Variants in PTPRM observed in about 807,000 individuals in gnomAD.
The protein encoded by PTPRM is receptor-type tyrosine-protein phosphatase mu.
In PTPRM, 47 loss-of-function variants were observed where a neutral mutation model predicts 186.7. The observed-to-expected ratio is 0.25, with a 90% CI of 0.20 to 0.32. PTPRM has a LOEUF of 0.32. Among genes scored for constraint, PTPRM ranks in the 10% least tolerant of loss-of-function variants. PTPRM has a pLI of 1.00. For missense variants in PTPRM, 1,494 were observed against 1,865.0 expected, an observed-to-expected ratio of 0.80 and a Z score of 3.66; for synonymous variants, 668 against 674.9, an observed-to-expected ratio of 0.99 and a Z score of 0.16.
chr18:7,573,600 T>A (rs1470667046), intron 1 of PTPRM, among the ~76,000 whole-genome samples: 1 of 151,930 alleles, frequency 6.6e-6, no homozygotes. Context: ...TTTGTTTTGT[T>A]TTTTTTGAGA....
intron 7 of PTPRM, chr18:7,995,501 G>C (rs908308188): frequency 5.3e-5 from 8 of 152,136 alleles, no homozygotes; most frequent in African/African-American, 1.7e-4. Flanking sequence ...TCATCATGAT[G>C]AACATAAGTG....
chr18:7,905,558 G>T (rs1342779484), intron 3 of PTPRM, among the ~76,000 whole-genome samples: 1 of 152,208 alleles, frequency 6.6e-6, no homozygotes, highest in Non-Finnish European at 1.5e-5. Flanking sequence ...TGGTGTCTCT[G>T]TCCTGAAGTG....
chr18:7,984,721 G>A (rs2082763488), intron 7 of PTPRM, among the ~76,000 whole-genome samples: 1 of 128,186 alleles, frequency 7.8e-6, no homozygotes, highest in African/African-American at 3.0e-5. Context: ...AATATATGGG[G>A]TAAATATAAA....
At chr18:7,926,789 T>C (rs1179381826) in intron 5 of PTPRM, 106 bp downstream of exon 5, 1 of 661,576 alleles carries the variant, frequency 1.5e-6, no homozygotes, top group East Asian at 3.0e-5. Context: ...TGTAAGAGTT[T>C]CCTTCTTTGT....
chr18:8,321,934 T>A (rs2095348317), intron 22 of PTPRM, among the ~76,000 whole-genome samples: 1 of 152,160 alleles, frequency 6.6e-6, no homozygotes, highest in Non-Finnish European at 1.5e-5. Flanking sequence ...ATGATAATCT[T>A]CACTAATTGG....
chr18:7,779,116 G>T (rs557045121), intron 2 of PTPRM, among the ~76,000 whole-genome samples: 21 of 152,174 alleles, frequency 1.4e-4, no homozygotes, highest in South Asian at 1.0e-3. Flanking sequence ...AAATGTGAAG[G>T]TAACTTATAA....
chr18:8,007,082 A>G (rs115448426), intron 7 of PTPRM, among the ~76,000 whole-genome samples: 2,102 of 152,280 alleles, frequency 0.014, 57 homozygotes, highest in African/African-American at 0.049. Flanking sequence ...TGCATAGCTT[A>G]TCTAAACCAA....
chr18:7,624,346 T>A (rs1356296466), intron 1 of PTPRM, among the ~76,000 whole-genome samples: 4 of 152,320 alleles, frequency 2.6e-5, no homozygotes, highest in Admixed American at 2.6e-4. Flanking sequence ...TCTCCCCTAG[T>A]TATCTAGTTT....
At chr18:7,991,490 A>G (rs1010736857) in intron 7 of PTPRM, among the ~76,000 whole-genome samples, 3 of 152,206 alleles carry the variant, frequency 2.0e-5, no homozygotes, top group African/African-American at 4.8e-5. Context: ...GAAGTAGTAA[A>G]GTAAAACGGA....
chr18:8,272,213 A>T (rs1010597686), intron 19 of PTPRM, among the ~76,000 whole-genome samples: 1 of 151,464 alleles, frequency 6.6e-6, no homozygotes, highest in Non-Finnish European at 1.5e-5. Context: ...CTCAATAAAA[A>T]AAAAAAAAAA....
chr18:8,191,983 G>T (rs2093716324), intron 14 of PTPRM, among the ~76,000 whole-genome samples: 1 of 151,558 alleles, frequency 6.6e-6, no homozygotes, highest in African/African-American at 2.4e-5. Context: ...TGTAGTCTAA[G>T]GACAAAAAAC....
chr18:7,852,199 T>TTAGA (rs1315451333), intron 2 of PTPRM, among the ~76,000 whole-genome samples: 5 of 152,126 alleles, frequency 3.3e-5, no homozygotes, highest in African/African-American at 1.2e-4. Context: ...GCAAAGATTG[T>TTAGA]TAGATCAGAT....
intron 7 of PTPRM, among the ~76,000 whole-genome samples, chr18:8,014,758 C>T (rs2084755522): frequency 1.3e-5 from 2 of 152,192 alleles, no homozygotes. Flanking sequence ...TGAACACACA[C>T]ACCAAATACA....
At chr18:7,583,391 G>T (rs982733031) in intron 1 of PTPRM, among the ~76,000 whole-genome samples, 1 of 152,152 alleles carries the variant, frequency 6.6e-6, no homozygotes, top group Non-Finnish European at 1.5e-5. Flanking sequence ...CATGGACAGT[G>T]GCTACAGCTG....
chr18:7,649,138 C>T (rs2038635202), intron 1 of PTPRM, among the ~76,000 whole-genome samples: 2 of 152,124 alleles, frequency 1.3e-5, no homozygotes, highest in South Asian at 2.1e-4. Flanking sequence ...AACAACAAAG[C>T]CTGGATGACA....
rs113617261 is a variant in PTPRM at position 8,000,606 on chromosome 18, A to G, written c.1132+45192A>G. ...GAGCACATCTAAAATCAAGCTGGGA[A>G]TAGGATCCTTAGGAATAAATATTTA... is the stretch of plus-strand genomic sequence containing the variant. On this transcript the variant is annotated intron_variant, in intron 7 of 32. Transcript: ENST00000580170. Among the ~76,000 whole-genome samples the G allele has an allele frequency of 9.1e-3, 1,388 of 152,224 alleles. 18 individuals carry two copies. Among genetic ancestry groups the G allele is most frequent in the African/African-American group, 0.032 (1,332 of 41,550 alleles).
intron 7 of PTPRM, among the ~76,000 whole-genome samples, chr18:8,039,044 A>G (rs1176892951): frequency 6.6e-6 from 1 of 152,192 alleles, no homozygotes; most frequent in Admixed American, 6.5e-5. Context: ...TATGCAACTC[A>G]GAAGTAATTA....
At chr18:8,162,102 C>G (rs112720106) in intron 14 of PTPRM, among the ~76,000 whole-genome samples, 2 of 142,364 alleles carry the variant, frequency 1.4e-5, no homozygotes, top group African/African-American at 5.1e-5. Flanking sequence ...GGGTTTTTTT[C>G]TTTTTTTTTT....
At chr18:7,809,569 C>G (rs1568161611) in intron 2 of PTPRM, among the ~76,000 whole-genome samples, 1 of 152,144 alleles carries the variant, frequency 6.6e-6, no homozygotes, top group Admixed American at 6.5e-5. Context: ...GCTCCTCGGT[C>G]CTCCACGTGG....
Sources: allele counts gnomAD v4.1 joint callset (sites outside exome capture counted in the v4.1 genomes callset), GRCh38; gene constraint gnomAD v4.1.1; transcripts MANE v1.5; gene names NCBI Gene and HGNC (gene_info 2026-07-23, HGNC 2026-07-21).